Variants in GLIS3 observed in about 807,000 individuals in gnomAD.
GLIS3 encodes the protein GLIS family zinc finger 3.
A neutral mutation model predicts 78.6 loss-of-function variants in GLIS3; 53 were observed. The ratio of observed to expected loss-of-function variants is 0.67; its 90% CI spans 0.54 to 0.85. GLIS3 has a LOEUF of 0.85. Ranked by LOEUF, GLIS3 falls within the 40% of genes least tolerant of loss-of-function variation. The probability of loss-of-function intolerance (pLI) is 0.00; values close to 1 mark genes in which losing one functional copy is unlikely to be tolerated. For synonymous variants in GLIS3, 684 were observed against 509.9 expected (o/e 1.34, Z -4.60); for missense variants, 1,703 against 1,231.1 (o/e 1.38, Z -5.74).
rs548840313 is a variant in GLIS3, at chr9:4,266,012, A to C, written c.388+20026T>G. ...CGGCTCACTGCAAGCTCCGCCTCCCAGGTTCACACCATTCTCCTGCCTCAG... is the reference window on the plus strand; with the variant it reads ...CGGCTCACTGCAAGCTCCGCCTCCCCGGTTCACACCATTCTCCTGCCTCAG... On this transcript the variant is annotated intron_variant, in intron 2 of 10. Transcript: ENST00000381971. 1.1e-4 allele frequency among the ~76,000 whole-genome samples: 16 copies of C among 151,790 alleles called. No homozygotes were observed. The East Asian group carries it at 3.1e-3, about 30-fold the overall frequency.
chr9:3,845,722 C>A (rs760801221), intron 9 of GLIS3, among the ~76,000 whole-genome samples: 39 of 152,176 alleles, frequency 2.6e-4, no homozygotes, highest in Non-Finnish European at 5.3e-4. Context: ...CACATACACA[C>A]GTGCATGCCC....
intron 6 of GLIS3, among the ~76,000 whole-genome samples, chr9:3,909,296 G>A (rs1235194840): frequency 6.6e-6 from 1 of 152,182 alleles, no homozygotes; most frequent in Non-Finnish European, 1.5e-5. Context: ...ATTTTCAGTT[G>A]AACCTAGGAA....
intron 2 of GLIS3, among the ~76,000 whole-genome samples, chr9:4,194,248 C>A (rs961047508): frequency 6.6e-6 from 1 of 151,892 alleles, no homozygotes; most frequent in Non-Finnish European, 1.5e-5. Flanking sequence ...TTAGTAGAGA[C>A]GGGGTTTCAC....
chr9:4,251,639 T>C (rs539515975), intron 2 of GLIS3, among the ~76,000 whole-genome samples: 7 of 152,174 alleles, frequency 4.6e-5, no homozygotes, highest in South Asian at 2.1e-4. Context: ...GTGAATTTAA[T>C]CCTGTCATTA....
intron 4 of GLIS3, among the ~76,000 whole-genome samples, chr9:3,974,525 A>G (rs1295512141): frequency 6.6e-6 from 1 of 152,206 alleles, no homozygotes; most frequent in African/African-American, 2.4e-5. Flanking sequence ...AACTATCCCA[A>G]TGACAGACAT....
chr9:4,369,673 T>C, the GLIS3 span, among the ~76,000 whole-genome samples: 1 of 152,146 alleles, frequency 6.6e-6, no homozygotes, highest in Admixed American at 6.6e-5. Context: ...GATTATGATA[T>C]AACAATGGCG....
intron 6 of GLIS3, among the ~76,000 whole-genome samples, chr9:3,911,830 T>G (rs1203301462): frequency 6.6e-6 from 1 of 152,178 alleles, no homozygotes; most frequent in Non-Finnish European, 1.5e-5. Flanking sequence ...ATGCTGCCAT[T>G]TCTATTATTA....
At chr9:4,186,804 G>C (rs1817841591) in intron 2 of GLIS3, among the ~76,000 whole-genome samples, 1 of 152,172 alleles carries the variant, frequency 6.6e-6, no homozygotes, top group Non-Finnish European at 1.5e-5. Flanking sequence ...CTTCTTTTGA[G>C]AAGTGTCTGT....
chr9:4,049,870 G>A (rs529777711), intron 4 of GLIS3, among the ~76,000 whole-genome samples: 1 of 152,274 alleles, frequency 6.6e-6, no homozygotes, highest in South Asian at 2.1e-4. Context: ...CTGGCCATCA[G>A]AGAAATGCAA....
the GLIS3 span, among the ~76,000 whole-genome samples, chr9:4,363,121 C>A: frequency 6.6e-6 from 1 of 152,122 alleles, no homozygotes; most frequent in African/African-American, 2.4e-5. Flanking sequence ...TGATCAAAAA[C>A]CAATAATTAA....
intron 2 of GLIS3, among the ~76,000 whole-genome samples, chr9:4,251,734 G>A (rs1286320063): frequency 6.6e-6 from 1 of 152,100 alleles, no homozygotes; most frequent in Non-Finnish European, 1.5e-5. Flanking sequence ...TTTTTGCAGT[G>A]GCTGGTACCA....
chr9:4,193,337 T>A (rs1818501858), intron 2 of GLIS3, among the ~76,000 whole-genome samples: 1 of 152,240 alleles, frequency 6.6e-6, no homozygotes, highest in Non-Finnish European at 1.5e-5. Flanking sequence ...ACAATATTTG[T>A]CCATTTACAT....
the GLIS3 span, among the ~76,000 whole-genome samples, chr9:4,360,203 G>C: frequency 3.9e-5 from 6 of 152,158 alleles, no homozygotes; most frequent in African/African-American, 1.4e-4. Flanking sequence ...CCAACCGCCT[G>C]ACCCACCTGT....
At chr9:3,956,611 C>T (rs558060694) in intron 4 of GLIS3, among the ~76,000 whole-genome samples, 3 of 152,282 alleles carry the variant, frequency 2.0e-5, no homozygotes, top group South Asian at 4.1e-4. Flanking sequence ...CACCAAAAGA[C>T]GTTGCATGGA....
chr9:4,253,422 C>G (rs1257338382), intron 2 of GLIS3, among the ~76,000 whole-genome samples: 1 of 152,234 alleles, frequency 6.6e-6, no homozygotes, highest in African/African-American at 2.4e-5. Flanking sequence ...GGAAAACCAC[C>G]TACTCAAGCT....
chr9:4,296,168 A>C (rs1816485896), intron 1 of GLIS3, among the ~76,000 whole-genome samples: 1 of 152,146 alleles, frequency 6.6e-6, no homozygotes, highest in Non-Finnish European at 1.5e-5. Flanking sequence ...GTATTCTATA[A>C]TCTGGGAGAA....
intron 4 of GLIS3, among the ~76,000 whole-genome samples, chr9:4,111,545 C>T (rs79918475): frequency 0.011 from 1,740 of 152,246 alleles, 38 homozygotes; most frequent in African/African-American, 0.04. Context: ...ATATGAAATC[C>T]TATTTGACAG....
chr9:4,325,557 C>T (rs568091828), intron 2 of GLIS3, among the ~76,000 whole-genome samples: 1 of 152,116 alleles, frequency 6.6e-6, no homozygotes, highest in African/African-American at 2.4e-5. Context: ...TCCTTTCCTG[C>T]AAAATATCCA....
chr9:4,230,289 A>T (rs1384509670), intron 2 of GLIS3, among the ~76,000 whole-genome samples: 2 of 152,234 alleles, frequency 1.3e-5, no homozygotes, highest in Non-Finnish European at 2.9e-5. Context: ...GGCGAAGGTC[A>T]ATGAAATACC....
Sources: allele counts gnomAD v4.1 joint callset (sites outside exome capture counted in the v4.1 genomes callset), GRCh38; gene constraint gnomAD v4.1.1; transcripts MANE v1.5; gene names NCBI Gene and HGNC (gene_info 2026-07-23, HGNC 2026-07-21).